KALRN: variants seen among roughly 807,000 people sequenced by gnomAD.
KALRN encodes kalirin.
Under a neutral mutation model 353.7 loss-of-function variants are expected in KALRN, and 70 were observed. The ratio of observed to expected loss-of-function variants is 0.20; its 90% confidence interval spans 0.16 to 0.24. KALRN has a LOEUF of 0.24. Among genes scored for constraint, KALRN ranks in the 10% least tolerant of loss-of-function variants. The probability of loss-of-function intolerance (pLI) is 1.00; values close to 1 mark genes in which losing one functional copy is unlikely to be tolerated. For synonymous variants in KALRN, 1,391 were observed against 1,434.8 expected (o/e 0.97, Z 0.69); for missense variants, 2,791 against 3,756.7 (o/e 0.74, Z 6.72).
intron 1 of KALRN, among the ~76,000 whole-genome samples, chr3:124,062,287 T>C (rs2042048370): frequency 6.6e-6 from 1 of 152,202 alleles, no homozygotes; most frequent in African/African-American, 2.4e-5. Context: ...CCAGATAAAC[T>C]CTGTGGTCTA....
chr3:124,130,557 G>C (rs2065160332), intron 1 of KALRN, among the ~76,000 whole-genome samples: 1 of 151,986 alleles, frequency 6.6e-6, no homozygotes, highest in African/African-American at 2.4e-5. Context: ...TATTTATACA[G>C]CACTTTAAAG....
At chr3:124,462,477 T>C in intron 24 of KALRN, 47 bp from the exon 25 acceptor site, 1 of 1,122,350 alleles carries the variant, frequency 8.9e-7, no homozygotes, top group Non-Finnish European at 1.4e-6. Flanking sequence ...CTGTATTTTA[T>C]ATGGCCTGCC....
At chr3:124,379,233 T>A (rs767279420) in intron 10 of KALRN, among the ~76,000 whole-genome samples, 30 of 152,312 alleles carry the variant, frequency 2.0e-4, no homozygotes, top group South Asian at 4.1e-4. Context: ...AGGGATTTTT[T>A]AAAAATTTTT....
chr3:124,673,895 T>A (rs971975516), intron 48 of KALRN, among the ~76,000 whole-genome samples: 2 of 152,150 alleles, frequency 1.3e-5, no homozygotes, highest in African/African-American at 4.8e-5. Flanking sequence ...GGTCAGAATA[T>A]AAAGTAAAGC....
chr3:124,214,817 C>A (rs998528738), intron 1 of KALRN, among the ~76,000 whole-genome samples: 4 of 152,144 alleles, frequency 2.6e-5, no homozygotes, highest in Non-Finnish European at 5.9e-5. Flanking sequence ...TGTGAACTCC[C>A]CCTACTTACT....
intron 5 of KALRN, among the ~76,000 whole-genome samples, chr3:124,278,458 G>GGGGT: frequency 2.1e-5 from 3 of 145,502 alleles, no homozygotes; most frequent in African/African-American, 7.6e-5. Flanking sequence ...GGACACTTCA[G>GGGGT]GTGTGTGTGT....
chr3:124,118,983 C>T (rs1016030185), intron 1 of KALRN, among the ~76,000 whole-genome samples: 2 of 152,290 alleles, frequency 1.3e-5, no homozygotes, highest in Non-Finnish European at 1.5e-5. Flanking sequence ...GTTCCAATTC[C>T]GGTCTCCTTT....
At chr3:124,288,113 A>G (rs2076116094) in intron 5 of KALRN, among the ~76,000 whole-genome samples, 1 of 151,942 alleles carries the variant, frequency 6.6e-6, no homozygotes, top group South Asian at 2.1e-4. Flanking sequence ...GACCTCAGGT[A>G]ATCCACCTGC....
chr3:124,089,647 T>A (rs1466364883), intron 1 of KALRN, among the ~76,000 whole-genome samples: 1 of 151,946 alleles, frequency 6.6e-6, no homozygotes, highest in Non-Finnish European at 1.5e-5. Context: ...CAGCTTTTTT[T>A]TTTTTCAGGA....
intron 5 of KALRN, among the ~76,000 whole-genome samples, chr3:124,276,195 A>T (rs2074705151): frequency 6.6e-6 from 1 of 152,200 alleles, no homozygotes; most frequent in African/African-American, 2.4e-5. Context: ...TGCTGCTTTT[A>T]TGTTAATCAC....
chr3:124,073,958 A>C (rs2060141523), intron 1 of KALRN, among the ~76,000 whole-genome samples: 1 of 152,126 alleles, frequency 6.6e-6, no homozygotes, highest in South Asian at 2.1e-4. Context: ...CTATAGGATG[A>C]CTGAGGGGAG....
chr3:124,481,191 CT>C (rs2061950593), intron 27 of KALRN, among the ~76,000 whole-genome samples: 1 of 151,740 alleles, frequency 6.6e-6, no homozygotes, highest in African/African-American at 2.4e-5. Context: ...GTTTTTTTCT[CT>C]TTTTTGTTGT....
chr3:124,417,391 G>A (rs1353566996), intron 14 of KALRN, among the ~76,000 whole-genome samples: 1 of 152,176 alleles, frequency 6.6e-6, no homozygotes, highest in Non-Finnish European at 1.5e-5. Context: ...TCTCTCCCAT[G>A]AAATCTGACC....
intron 33 of KALRN, among the ~76,000 whole-genome samples, chr3:124,536,568 C>T (rs2068540491): frequency 6.6e-6 from 1 of 152,186 alleles, no homozygotes; most frequent in African/African-American, 2.4e-5. Flanking sequence ...TAATTAGTTT[C>T]CTCCTCCACA....
chr3:124,476,177 T>G (rs1372368097), intron 26 of KALRN, among the ~76,000 whole-genome samples: 1 of 151,932 alleles, frequency 6.6e-6, no homozygotes, highest in Non-Finnish European at 1.5e-5. Flanking sequence ...AATATATGAG[T>G]GTAATGCAGA....
At chr3:124,098,631 G>A (rs536380663) in intron 1 of KALRN, among the ~76,000 whole-genome samples, 246 of 152,180 alleles carry the variant, frequency 1.6e-3, no homozygotes, top group African/African-American at 5.5e-3. Context: ...TGTCTGTGCT[G>A]GGCCACCTTC....
intron 3 of KALRN, among the ~76,000 whole-genome samples, chr3:124,258,464 A>G (rs557399850): frequency 6.6e-6 from 1 of 152,054 alleles, no homozygotes; most frequent in African/African-American, 2.4e-5. Context: ...GGTTCTCTCT[A>G]ACCTCTTCAT....
intron 33 of KALRN, among the ~76,000 whole-genome samples, chr3:124,515,230 A>T (rs1028021060): frequency 5.3e-5 from 8 of 152,248 alleles, no homozygotes; most frequent in African/African-American, 1.9e-4. Flanking sequence ...TAACATTAGA[A>T]TGGGGCCTAC....
intron 3 of KALRN, among the ~76,000 whole-genome samples, chr3:124,259,029 T>C (rs2072462642): frequency 6.6e-6 from 1 of 152,164 alleles, no homozygotes; most frequent in Non-Finnish European, 1.5e-5. Context: ...ATACAAATGA[T>C]TTATTAAGGG....
Sources: gnomAD v4.1 joint callset for allele counts (sites outside exome capture counted in the v4.1 genomes callset) on GRCh38, gnomAD v4.1.1 for gene constraint, MANE v1.5 for transcripts, NCBI Gene and HGNC (gene_info 2026-07-23, HGNC 2026-07-21) for gene names.